Variants in CFAP96 observed in about 807,000 individuals in gnomAD.
The protein encoded by CFAP96 is cilia-and flagella-associated protein 96.
At chr4:185,433,613 G>T in the CFAP96 span, among the ~76,000 whole-genome samples, 1 of 152,006 alleles carries the variant, frequency 6.6e-6, no homozygotes, top group African/African-American at 2.4e-5. Context: ...TAAGAGTGAG[G>T]ATTTTTGGCC....
At chr4:185,431,963 G>A in the CFAP96 span, 21 of 1,516,078 alleles carry the variant, frequency 1.4e-5, no homozygotes, top group Admixed American at 4.1e-4. Flanking sequence ...ATTATAATAT[G>A]CCTAATTTAT....
chr4:185,433,532 A>T, the CFAP96 span, among the ~76,000 whole-genome samples: 10 of 92,350 alleles, frequency 1.1e-4, no homozygotes, highest in South Asian at 4.2e-4. Flanking sequence ...GATACTAGTA[A>T]AACTACTTTG....
At chr4:185,435,947 TTC>T in the CFAP96 span, 5 of 914,110 alleles carry the variant, frequency 5.5e-6, no homozygotes, top group East Asian at 2.9e-5. Flanking sequence ...TAGCATTTTT[TTC>T]TCTTTTTTTC....
chr4:185,445,880 T>C, the CFAP96 span, among the ~76,000 whole-genome samples: 3 of 152,154 alleles, frequency 2.0e-5, no homozygotes, highest in African/African-American at 7.2e-5. Context: ...TCGCTCTTAT[T>C]GCCCAGGCTG....
At chr4:185,435,769 ACT>A in the CFAP96 span, among the ~76,000 whole-genome samples, 6 of 151,984 alleles carry the variant, frequency 3.9e-5, no homozygotes, top group East Asian at 1.9e-4. Context: ...AACACAAAAG[ACT>A]CTGTTTATTG....
At chr4:185,436,368 T>G in the CFAP96 span, 1 of 1,529,616 alleles carries the variant, frequency 6.5e-7, no homozygotes, top group South Asian at 1.2e-5. Context: ...AGGTAAAAAA[T>G]CTGTTTTGAA....
the CFAP96 span, chr4:185,436,005 T>C: frequency 6.8e-7 from 1 of 1,463,902 alleles, no homozygotes; most frequent in Admixed American, 2.7e-5. Context: ...CTTTGCCATT[T>C]TAACCTCCTT....
chr4:185,415,936 G>C, the CFAP96 span: 1 of 1,306,552 alleles, frequency 7.7e-7, no homozygotes. Flanking sequence ...TAAGTAAAAA[G>C]ACTTTTCAAA....
the CFAP96 span, among the ~76,000 whole-genome samples, chr4:185,409,391 T>C: frequency 2.0e-5 from 3 of 152,322 alleles, no homozygotes; most frequent in South Asian, 2.1e-4. Flanking sequence ...GGTCACACTA[T>C]GTTGCTCAGG....
chr4:185,415,134 G>A, the CFAP96 span: 5 of 1,539,908 alleles, frequency 3.2e-6, no homozygotes, highest in African/African-American at 7.1e-5. Flanking sequence ...TTTTTTCTAA[G>A]AATAGATGAA....
At chr4:185,440,774 C>A in the CFAP96 span, 1 of 67,108 alleles carries the variant, frequency 1.5e-5, no homozygotes, top group Non-Finnish European at 2.3e-5. Flanking sequence ...AATACTGTCT[C>A]TTGCTATCAA....
chr4:185,430,836 T>G, the CFAP96 span, among the ~76,000 whole-genome samples: 1 of 150,912 alleles, frequency 6.6e-6, no homozygotes, highest in Non-Finnish European at 1.5e-5. Context: ...AGGTTGAGGC[T>G]GCAGTGAGCC....
the CFAP96 span, among the ~76,000 whole-genome samples, chr4:185,431,501 A>G: frequency 1.3e-5 from 2 of 152,256 alleles, no homozygotes; most frequent in African/African-American, 2.4e-5. Flanking sequence ...TAAAACTGCT[A>G]TGAACATTCT....
the CFAP96 span, among the ~76,000 whole-genome samples, chr4:185,446,687 A>G: frequency 6.7e-6 from 1 of 148,892 alleles, no homozygotes; most frequent in African/African-American, 2.5e-5. Flanking sequence ...TAAATGTTAT[A>G]TAGTTTGTTA....
the CFAP96 span, among the ~76,000 whole-genome samples, chr4:185,417,771 C>T: frequency 2.0e-5 from 3 of 152,110 alleles, no homozygotes; most frequent in African/African-American, 4.8e-5. Flanking sequence ...CAGCCGGGCG[C>T]GGTGGCTCAC....
chr4:185,442,422 G>T, the CFAP96 span, among the ~76,000 whole-genome samples: 1 of 151,794 alleles, frequency 6.6e-6, no homozygotes, highest in Admixed American at 6.6e-5. Context: ...TAAGGTTCTG[G>T]TCAATAAGTA....
chr4:185,408,788 T>C, the CFAP96 span, among the ~76,000 whole-genome samples: 2 of 152,136 alleles, frequency 1.3e-5, no homozygotes, highest in Non-Finnish European at 2.9e-5. Context: ...CCAAATTAAT[T>C]GTACAGCTTG....
the CFAP96 span, among the ~76,000 whole-genome samples, chr4:185,412,159 T>C: frequency 1.3e-5 from 2 of 152,362 alleles, no homozygotes; most frequent in African/African-American, 4.8e-5. Context: ...ACATATCAAA[T>C]ATTACATGAT....
At chr4:185,421,115 C>G in the CFAP96 span, among the ~76,000 whole-genome samples, 1 of 152,052 alleles carries the variant, frequency 6.6e-6, no homozygotes, top group East Asian at 1.9e-4. Flanking sequence ...TTAGAATTAC[C>G]TAGAAAGCTG....
Sources: allele counts gnomAD v4.1 joint callset (sites outside exome capture counted in the v4.1 genomes callset), GRCh38; gene constraint gnomAD v4.1.1; transcripts MANE v1.5; gene names NCBI Gene and HGNC (gene_info 2026-07-23, HGNC 2026-07-21).